CCDC88C: variants seen among roughly 807,000 people sequenced by gnomAD.
CCDC88C encodes the protein protein Daple.
In CCDC88C, 131 loss-of-function variants were observed where a neutral mutation model predicts 198.8. The observed-to-expected ratio is 0.66, with a 90% CI of 0.57 to 0.76. The LOEUF (loss-of-function observed/expected upper bound fraction) is 0.76. CCDC88C is among the 30% of genes least tolerant of loss of function. The pLI, the probability that CCDC88C is intolerant of heterozygous loss-of-function variation, is 0.00. For synonymous variants in CCDC88C, 1,166 were observed against 1,114.7 expected (o/e 1.05, Z -0.92); for missense variants, 2,553 against 2,631.6 (o/e 0.97, Z 0.65).
chr14:91,277,910 C>A lies in CCDC88C; in HGVS notation c.5058+12G>T. The A allele has an allele frequency of 6.7e-7, 1 of 1,482,796 alleles. No homozygotes were observed. 91.9% of individuals were successfully genotyped at this position (1,482,796 alleles called of 1,614,324 possible). On this transcript the variant is annotated intron_variant, in intron 29 of 29. Coordinates refer to ENST00000389857, the MANE Select transcript of CCDC88C (RefSeq NM_001080414.4). The stretch of plus-strand genomic sequence containing the variant: ...AAGAGAGACGGGCCAAGTCCGTGTC[C>A]GGATCACTCACATGGGTGGGGGAGC...
chr14:91,332,384 C>G (rs978392507), intron 10 of CCDC88C, among the ~76,000 whole-genome samples: 1 of 152,212 alleles, frequency 6.6e-6, no homozygotes, highest in African/African-American at 2.4e-5. Context: ...CTCTGCTACT[C>G]ATTTTGTTTT....
chr14:91,313,726 C>A lies in CCDC88C; in HGVS notation c.2090G>T (p.Arg697Leu), dbSNP rs762660225. Reference protein sequence around the residue: ...NVSLQLEGLERDNKQLDAENL... With the variant: ...NVSLQLEGLELDNKQLDAENL... ...CTCTGCGTCCAGCTGCTTGTTGTCA[C>A]GCTCCAGGCCCTCAAGCTGCAGGGA... Residue 697 changes from arginine (R) to leucine (L), a missense_variant, in exon 15 of 30, where the codon CGT becomes CTT. This residue lies in a region of CCDC88C where 1,260 missense variants were observed against 1,412.0 expected (regional missense o/e 0.89). Coordinates refer to ENST00000389857, the MANE Select transcript of CCDC88C (RefSeq NM_001080414.4). This position sits in a 1 kb window ranked among gnomAD's most constrained non-coding sequence, Gnocchi z 5.2. 1.9e-6 allele frequency: 3 copies of A among 1,609,986 alleles called. No homozygotes were observed. In the East Asian group the frequency reaches 6.7e-5, roughly 36 times the overall value.
intron 3 of CCDC88C, chr14:91,384,627 G>C (rs1596141381): frequency 2.5e-6 from 1 of 392,176 alleles, no homozygotes; most frequent in Middle Eastern, 8.8e-4. Flanking sequence ...CTACGCACTG[G>C]CACCGGGAGG....
At chr14:91,328,514 G>A (rs1303363795) in intron 10 of CCDC88C, among the ~76,000 whole-genome samples, 2 of 152,152 alleles carry the variant, frequency 1.3e-5, no homozygotes, top group Non-Finnish European at 2.9e-5. Flanking sequence ...GCCCGACCCA[G>A]CCCAGCAAAC....
chr14:91,317,769 G>T (rs1746426467), intron 13 of CCDC88C, among the ~76,000 whole-genome samples: 1 of 152,230 alleles, frequency 6.6e-6, no homozygotes, highest in Non-Finnish European at 1.5e-5. Flanking sequence ...GAGGGCCACG[G>T]CAGGAGAGGC....
rs946793400 is a variant in CCDC88C at position 91,371,355 on chromosome 14, A to C, written c.271-11644T>G. On this transcript the variant is annotated intron_variant, in intron 3 of 29. Coordinates refer to ENST00000389857, the MANE Select transcript of CCDC88C (RefSeq NM_001080414.4). The surrounding 1 kb of genome is among the most constrained non-coding windows in gnomAD (Gnocchi z 4.2). Reference sequence around the variant, plus strand: ...GGGGCAGAGAAAGTGTGGCCAGAGGAAACTACGGTATGCATGCAGGGTGGG... The same window carrying C: ...GGGGCAGAGAAAGTGTGGCCAGAGGCAACTACGGTATGCATGCAGGGTGGG... Among the ~76,000 whole-genome samples, 3 of 152,076 alleles carry C rather than the reference A, an allele frequency of 2.0e-5. No individual in the cohort carries two copies. The highest frequency in any genetic ancestry group is 2.9e-5 in the Non-Finnish European group (2 of 68,014).
At chr14:91,413,718 G>A (rs17804398) in intron 2 of CCDC88C, among the ~76,000 whole-genome samples, 26,261 of 152,148 alleles carry the variant, frequency 0.17, 2,886 homozygotes, top group Non-Finnish European at 0.25. Context: ...GACCAGGGCC[G>A]AGAGACTACT....
chr14:91,286,461 ACATC>A (rs1890413467), intron 25 of CCDC88C, among the ~76,000 whole-genome samples: 1 of 152,238 alleles, frequency 6.6e-6, no homozygotes, highest in Non-Finnish European at 1.5e-5. Flanking sequence ...TCTTCTATAT[ACATC>A]CTCCACTCCA....
At chr14:91,346,386 G>A (rs892528828) in intron 4 of CCDC88C, among the ~76,000 whole-genome samples, 9 of 152,170 alleles carry the variant, frequency 5.9e-5, no homozygotes, top group Admixed American at 1.3e-4. Context: ...AAGGCTCAGC[G>A]TTGCAAAGCA....
intron 3 of CCDC88C, among the ~76,000 whole-genome samples, chr14:91,388,402 A>G (rs2139971232): frequency 6.6e-6 from 1 of 152,212 alleles, no homozygotes; most frequent in East Asian, 1.9e-4. Flanking sequence ...CGTTCTTGAC[A>G]CTGATGCTAC....
intron 15 of CCDC88C, among the ~76,000 whole-genome samples, chr14:91,310,934 G>A (rs555227319): frequency 1.3e-5 from 2 of 152,250 alleles, no homozygotes; most frequent in East Asian, 3.9e-4. Flanking sequence ...AAATTTCCCA[G>A]CCACCCTGTA....
intron 27 of CCDC88C, among the ~76,000 whole-genome samples, chr14:91,280,335 G>GTGCT (rs2139723386): frequency 6.6e-6 from 1 of 152,332 alleles, no homozygotes; most frequent in East Asian, 1.9e-4. Context: ...AAGGGCTGAG[G>GTGCT]TGCTCTGCAA....
chr14:91,325,026 G>C lies in CCDC88C; in HGVS notation c.1198-103C>G. ...GCTACCGTCATGTGCTGTGGATGAAGATGTACTGGCTCACTTCCAAATAAA... is the reference window on the plus strand; with the variant it reads ...GCTACCGTCATGTGCTGTGGATGAACATGTACTGGCTCACTTCCAAATAAA... On this transcript the variant is annotated intron_variant, in intron 11 of 29. Transcript: ENST00000389857. The surrounding 1 kb of genome is among the most constrained non-coding windows in gnomAD (Gnocchi z 4.1). 1 of 1,407,900 alleles carries C rather than the reference G, an allele frequency of 7.1e-7. No homozygotes were observed. Among genetic ancestry groups the C allele is most frequent in the Admixed American group, 1.8e-5 (1 of 55,064 alleles). The allele number at this position is 1,407,900 out of a possible 1,614,324, so 87.2% of individuals were successfully genotyped here. A position where few individuals can be genotyped will look rare whatever the true frequency, so the allele number is the denominator to read the frequency against.
intron 3 of CCDC88C, 145 bp downstream of exon 3, chr14:91,408,514 G>T: frequency 1.5e-6 from 1 of 650,128 alleles, no homozygotes; most frequent in Non-Finnish European, 2.8e-6. Context: ...CCCCAACAAA[G>T]GGTTCACATG....
intron 4 of CCDC88C, among the ~76,000 whole-genome samples, chr14:91,353,819 G>C (rs1288339857): frequency 2.0e-5 from 3 of 152,216 alleles, no homozygotes; most frequent in Admixed American, 2.0e-4. Flanking sequence ...AAACCCCAAG[G>C]CTCTTCTCAA....
intron 10 of CCDC88C, among the ~76,000 whole-genome samples, chr14:91,329,057 G>A (rs1480017951): frequency 6.6e-6 from 1 of 152,198 alleles, no homozygotes; most frequent in Non-Finnish European, 1.5e-5. Context: ...TGGGTCAGCT[G>A]ACTCAGGGCA....
At chr14:91,337,938 A>C in intron 10 of CCDC88C, 67 bp downstream of exon 10, 1 of 1,579,280 alleles carries the variant, frequency 6.3e-7, no homozygotes, top group African/African-American at 1.3e-5. Flanking sequence ...AGGACAGGTC[A>C]GTCTGAATGT....
chr14:91,408,221 T>G (rs1886610087), intron 3 of CCDC88C: 1 of 173,118 alleles, frequency 5.8e-6, no homozygotes, highest in Non-Finnish European at 1.2e-5. Context: ...AATCACATTC[T>G]TGGTCCCATC....
At chr14:91,316,216 C>T (rs1192427460) in intron 13 of CCDC88C, among the ~76,000 whole-genome samples, 1 of 152,206 alleles carries the variant, frequency 6.6e-6, no homozygotes, top group African/African-American at 2.4e-5. Context: ...GTCCTTCTTA[C>T]CCCTTCCACA....
Sources: gnomAD v4.1 joint callset for allele counts (sites outside exome capture counted in the v4.1 genomes callset) on GRCh38, gnomAD v4.1.1 for gene constraint, gnomAD v4.1.1 regional missense constraint, Gnocchi (gnomAD v3.1) non-coding constraint, MANE v1.5 for transcripts, NCBI Gene and HGNC (gene_info 2026-07-23, HGNC 2026-07-21) for gene names.